ARID4B: variants seen among roughly 807,000 people sequenced by gnomAD.
ARID4B encodes the protein AT-rich interaction domain 4B.
Under a neutral mutation model 147.5 loss-of-function variants are expected in ARID4B, and 26 were observed. The observed-to-expected ratio is 0.18, with a 90% CI of 0.13 to 0.24. The LOEUF (loss-of-function observed/expected upper bound fraction) is 0.24. ARID4B is among the 10% of genes least tolerant of loss of function. The pLI is 1.00. For missense variants in ARID4B, 1,179 were observed against 1,511.5 expected (o/e 0.78, Z 3.65); for synonymous variants, 512 against 507.9 (o/e 1.01, Z -0.11).
chr1:235,303,392 A>G (rs78440083), intron 2 of ARID4B, among the ~76,000 whole-genome samples: 19 of 151,726 alleles, frequency 1.3e-4, no homozygotes, highest in Non-Finnish European at 2.5e-4. Flanking sequence ...AAAAAAAAAA[A>G]GCAAAGCAAA....
intron 16 of ARID4B, among the ~76,000 whole-genome samples, chr1:235,217,500 A>G (rs944667543): frequency 6.6e-6 from 1 of 152,216 alleles, no homozygotes; most frequent in Non-Finnish European, 1.5e-5. Context: ...TTAGAGAAGA[A>G]TATCTTGGGA....
At chr1:235,237,847 T>C (rs1668706892) in intron 8 of ARID4B, among the ~76,000 whole-genome samples, 1 of 152,142 alleles carries the variant, frequency 6.6e-6, no homozygotes, top group African/African-American at 2.4e-5. Flanking sequence ...GCACAAATTG[T>C]AGAGAAAAGT....
At position 235,282,858 on chromosome 1, in the gene ARID4B, GC is replaced by G. The variant is rs371683348; in HGVS notation, c.7-22107del. 2.3e-4 allele frequency among the ~76,000 whole-genome samples: 35 copies of G among 152,272 alleles called. No individual in the cohort carries two copies. The East Asian group carries it at 6.4e-3, about 28-fold the overall frequency. ...TGCAGTGGCACGATCTCGGCTCACT[GC>G]AACCTCCGCCTACCGGGTTCACGCC... On this transcript the variant is annotated intron_variant, in intron 2 of 23. Transcript: ENST00000264183.
At chr1:235,296,702 C>T (rs900239355) in intron 2 of ARID4B, among the ~76,000 whole-genome samples, 65 of 150,340 alleles carry the variant, frequency 4.3e-4, no homozygotes, top group African/African-American at 1.5e-3. Context: ...TCAAGTGATC[C>T]GCCCACCTCA....
At chr1:235,318,091 T>C (rs1268444356) in intron 2 of ARID4B, among the ~76,000 whole-genome samples, 1 of 151,264 alleles carries the variant, frequency 6.6e-6, no homozygotes, top group East Asian at 1.9e-4. Flanking sequence ...ATAAGTAGAC[T>C]GACAAAATGT....
chr1:235,215,210 T>C lies in ARID4B; in HGVS notation c.1584-1184A>G, dbSNP rs983304333. On this transcript the variant is annotated intron_variant, in intron 16 of 23. Coordinates refer to ENST00000264183, the MANE Select transcript of ARID4B (RefSeq NM_016374.6). ...AAACTGAGCATTCATATCCTTTTTA[T>C]ATTGACCACCAATCTGTATTCAACA... 2.6e-5 allele frequency among the ~76,000 whole-genome samples: 4 copies of C among 152,230 alleles called. No individual in the cohort carries two copies. In the South Asian group the frequency reaches 8.3e-4, roughly 32 times the overall value.
At chr1:235,170,923 A>AC (rs1243594498) in intron 23 of ARID4B, among the ~76,000 whole-genome samples, 2 of 150,984 alleles carry the variant, frequency 1.3e-5, no homozygotes, top group African/African-American at 4.9e-5. Context: ...AAAAAAAAAA[A>AC]AAAAAAAAAA....
chr1:235,218,349 G>C (rs1029056813), intron 16 of ARID4B, among the ~76,000 whole-genome samples: 2 of 152,050 alleles, frequency 1.3e-5, no homozygotes, highest in African/African-American at 4.8e-5. Flanking sequence ...ATAAGCAGAA[G>C]CACCAACTTA....
intron 11 of ARID4B, among the ~76,000 whole-genome samples, chr1:235,227,853 G>C (rs978227768): frequency 8.5e-6 from 1 of 118,210 alleles, no homozygotes; most frequent in Non-Finnish European, 1.6e-5. Context: ...TTTTTTTTGA[G>C]ACGGGGTCTC....
intron 17 of ARID4B, among the ~76,000 whole-genome samples, chr1:235,207,345 C>T (rs1424752095): frequency 1.3e-5 from 2 of 152,152 alleles, no homozygotes; most frequent in Admixed American, 1.3e-4. Context: ...AAAATAAGAA[C>T]AGTCATTGTG....
chr1:235,222,839 C>T (rs1667562376), intron 13 of ARID4B, among the ~76,000 whole-genome samples: 1 of 151,870 alleles, frequency 6.6e-6, no homozygotes, highest in Non-Finnish European at 1.5e-5. Flanking sequence ...TGCGTCACCA[C>T]GTCTGGCTGA....
At chr1:235,251,350 CAA>C (rs1671688190) in intron 6 of ARID4B, among the ~76,000 whole-genome samples, 2 of 151,786 alleles carry the variant, frequency 1.3e-5, no homozygotes, top group Non-Finnish European at 2.9e-5. Context: ...GAGATTCCAA[CAA>C]GAGGAAAGGA....
chr1:235,245,015 A>G (rs1397382323), intron 7 of ARID4B, among the ~76,000 whole-genome samples: 1 of 152,226 alleles, frequency 6.6e-6, no homozygotes, highest in Non-Finnish European at 1.5e-5. Flanking sequence ...AGAATGACCA[A>G]CCGTGGTAGA....
intron 20 of ARID4B, chr1:235,180,239 T>G (rs1664228635): frequency 6.9e-6 from 1 of 144,430 alleles, no homozygotes. Context: ...CGGGATCAAG[T>G]GATTCTCCCT....
At chr1:235,269,480 G>C (rs1421468897) in intron 2 of ARID4B, among the ~76,000 whole-genome samples, 3 of 152,222 alleles carry the variant, frequency 2.0e-5, no homozygotes, top group Non-Finnish European at 4.4e-5. Flanking sequence ...AAAGTAGACA[G>C]ACCGAAGTTG....
intron 8 of ARID4B, among the ~76,000 whole-genome samples, chr1:235,237,648 C>T (rs146352258): frequency 2.2e-3 from 335 of 152,176 alleles, no homozygotes; most frequent in African/African-American, 7.9e-3. Flanking sequence ...CATTTGAGAC[C>T]ATGGTTACCT....
rs1211240914 is a variant in ARID4B at position 235,219,922 on chromosome 1, T to A, written c.1454A>T (p.Gln485Leu). Residue 485 changes from glutamine to leucine, a missense_variant, in exon 16 of 24, where the codon CAG becomes CTG. Around this residue, in one of 10 missense-constraint regions of ARID4B, gnomAD observed 204 missense variants for 210.9 expected, o/e 0.97. Transcript: ENST00000264183. ...TTTTTTAATGTTAACTTCTTTTTCCTGATCAGAATGTGTAGGTATAGATTC... is the reference window on the plus strand; with the variant it reads ...TTTTTTAATGTTAACTTCTTTTTCCAGATCAGAATGTGTAGGTATAGATTC... ...LLESIPTHSD[Q>L]EKEVNIKKPE... 1 of 1,587,888 alleles carries A rather than the reference T, an allele frequency of 6.3e-7. No homozygotes were observed.
At chr1:235,265,533 T>C (rs1670546261) in intron 2 of ARID4B, among the ~76,000 whole-genome samples, 1 of 151,800 alleles carries the variant, frequency 6.6e-6, no homozygotes, top group Non-Finnish European at 1.5e-5. Context: ...ACCCTGTTTC[T>C]ACTAAAAATA....
chr1:235,186,051 C>A (rs1237364559), intron 19 of ARID4B, among the ~76,000 whole-genome samples: 4 of 151,372 alleles, frequency 2.6e-5, no homozygotes, highest in African/African-American at 2.4e-5. Flanking sequence ...TTCACTGCAA[C>A]CTCCACCTCC....
Sources: allele counts gnomAD v4.1 joint callset (sites outside exome capture counted in the v4.1 genomes callset), GRCh38; gene constraint gnomAD v4.1.1; regional missense constraint gnomAD v4.1.1; transcripts MANE v1.5; gene names NCBI Gene and HGNC (gene_info 2026-07-23, HGNC 2026-07-21).